PCDHA2: variants seen among roughly 807,000 people sequenced by gnomAD.
The protein encoded by PCDHA2 is protocadherin alpha-2.
PCDHA2 carries 58 observed loss-of-function variants against 66.0 expected under a neutral mutation model. The ratio of observed to expected loss-of-function variants is 0.88; its 90% confidence interval spans 0.71 to 1.09. The LOEUF is 1.09. Among genes scored for constraint, PCDHA2 ranks in the 50% least tolerant of loss-of-function variants. The pLI is 0.00. For missense variants in PCDHA2, 1,267 were observed against 1,242.3 expected, an observed-to-expected ratio of 1.02 and a Z score of -0.30; for synonymous variants, 634 against 554.0, an observed-to-expected ratio of 1.14 and a Z score of -2.03.
intron 1 of PCDHA2, chr5:140,841,370 T>C: frequency 1.9e-6 from 3 of 1,613,492 alleles, no homozygotes; most frequent in South Asian, 1.1e-5. Flanking sequence ...ACTACTACTC[T>C]TGCTTCTGCT....
At chr5:140,809,028 G>A in intron 1 of PCDHA2, 3 of 1,613,838 alleles carry the variant, frequency 1.9e-6, no homozygotes, top group South Asian at 2.2e-5. Context: ...CTGCAGCCGG[G>A]GACTGGTGGC....
intron 1 of PCDHA2, chr5:140,870,101 G>C (rs1345689033): frequency 3.1e-6 from 5 of 1,613,914 alleles, no homozygotes; most frequent in Non-Finnish European, 4.2e-6. Context: ...GCAGGTCACT[G>C]TACAGTCTGG....
chr5:140,903,818 T>A (rs1554191152), intron 1 of PCDHA2, among the ~76,000 whole-genome samples: 1 of 152,202 alleles, frequency 6.6e-6, no homozygotes. Context: ...AGTTCTCACA[T>A]GAATGTCTGT....
chr5:140,981,685 C>G lies in PCDHA2; in HGVS notation c.2448-790C>G, dbSNP rs369964011. 6.6e-4 allele frequency among the ~76,000 whole-genome samples: 101 copies of G among 152,166 alleles called. No individual in the cohort carries two copies. In the South Asian group the frequency reaches 0.018, roughly 27 times the overall value. ...TCCTTCCTTTCTTCCTTCCTCCCTT[C>G]CATCATTCATTCATTCATTCATTCA... On this transcript the variant is annotated intron_variant, in intron 2 of 3. Transcript: ENST00000526136.
chr5:140,882,189 T>C, intron 1 of PCDHA2: 2 of 1,519,304 alleles, frequency 1.3e-6, no homozygotes, highest in Admixed American at 2.2e-5. Flanking sequence ...TAGGAAGCCA[T>C]AAAAATTGGG....
rs2150432258 is a variant in PCDHA2 at position 140,849,188 on chromosome 5, G to T, written c.2388+51836G>T. Reference sequence around the variant, plus strand: ...CTGGCACCGTTCAATTACTCATCACGGTACTGGACAACAATGACAATGCCC... The same window carrying T: ...CTGGCACCGTTCAATTACTCATCACTGTACTGGACAACAATGACAATGCCC... On this transcript the variant is annotated intron_variant, in intron 1 of 3. Transcript: ENST00000526136. The T allele has an allele frequency of 1.1e-3, 1,187 of 1,054,992 alleles. 42 individuals carry two copies. In the African/African-American group the frequency reaches 0.02, roughly 18 times the overall value. The allele number at this position is 1,054,992 out of a possible 1,614,324, so 65.4% of individuals were successfully genotyped here. A position where few individuals can be genotyped will look rare whatever the true frequency, so the allele number is the denominator to read the frequency against.
intron 1 of PCDHA2, chr5:140,968,708 A>G: frequency 1.2e-6 from 2 of 1,614,126 alleles, no homozygotes; most frequent in Non-Finnish European, 1.7e-6. Flanking sequence ...TACCAGGAAG[A>G]TGGGAGATGA....
intron 2 of PCDHA2, among the ~76,000 whole-genome samples, chr5:140,980,838 A>G (rs141603230): frequency 5.3e-5 from 8 of 152,320 alleles, no homozygotes; most frequent in African/African-American, 1.4e-4. Flanking sequence ...GTGAACCTAA[A>G]TAATACTAAT....
At chr5:140,836,283 A>T (rs2150256812) in intron 1 of PCDHA2, 1 of 1,613,716 alleles carries the variant, frequency 6.2e-7, no homozygotes, top group South Asian at 1.1e-5. Context: ...GATCAGCACG[A>T]CACGAGCCCT....
intron 1 of PCDHA2, chr5:140,836,693 G>A: frequency 1.2e-6 from 2 of 1,613,422 alleles, no homozygotes; most frequent in African/African-American, 2.7e-5. Flanking sequence ...CAGACCTCAT[G>A]GCCTTCAGTC....
intron 1 of PCDHA2, among the ~76,000 whole-genome samples, chr5:140,846,536 T>C (rs1215890170): frequency 1.3e-5 from 2 of 148,200 alleles, no homozygotes; most frequent in Admixed American, 1.4e-4. Context: ...CACCATGCCC[T>C]GCTAATTTTT....
intron 1 of PCDHA2, among the ~76,000 whole-genome samples, chr5:140,970,418 G>A (rs1377182658): frequency 6.6e-6 from 1 of 152,220 alleles, no homozygotes; most frequent in East Asian, 1.9e-4. Flanking sequence ...ACAGTAAGGT[G>A]TAGAGGCAGG....
chr5:140,851,336 A>C, intron 1 of PCDHA2: 1 of 979,180 alleles, frequency 1.0e-6, no homozygotes, highest in Non-Finnish European at 1.2e-6. Context: ...GTAGTTCTCT[A>C]CATTTCTCTG....
intron 1 of PCDHA2, among the ~76,000 whole-genome samples, chr5:140,941,202 C>CCTTTCTTCCTTTCTTTCTTTCTTT (rs1394736170): frequency 4.2e-3 from 519 of 122,694 alleles, no homozygotes; most frequent in African/African-American, 7.8e-3. Flanking sequence ...TTTCTTTCTT[C>CCTTTCTTCCTTTCTTTCTTTCTTT]CTTTCTTTCT....
chr5:140,968,801 G>T, intron 1 of PCDHA2: 1 of 1,614,216 alleles, frequency 6.2e-7, no homozygotes, highest in Non-Finnish European at 8.5e-7. Context: ...CATTACAGTA[G>T]CTGTGGTGGA....
At chr5:140,823,913 C>T (rs2150130280) in intron 1 of PCDHA2, 36 of 1,613,888 alleles carry the variant, frequency 2.2e-5, no homozygotes, top group Non-Finnish European at 2.8e-5. Context: ...CTGGTGCTCA[C>T]GCTGCTGCTG....
At chr5:140,856,381 G>T in intron 1 of PCDHA2, 2 of 1,598,516 alleles carry the variant, frequency 1.3e-6, no homozygotes, top group South Asian at 1.1e-5. Context: ...TCGTGGACAG[G>T]CCGCTGCAGG....
chr5:140,857,301 C>T (rs2044489449), intron 1 of PCDHA2: 2 of 1,598,676 alleles, frequency 1.3e-6, no homozygotes, highest in Non-Finnish European at 8.6e-7. Context: ...GAGAGGGTGT[C>T]GGCCTATGAG....
rs2096504149 is a variant in PCDHA2 at position 140,971,885 on chromosome 5, T to G, written c.2389-7064T>G. Among the ~76,000 whole-genome samples the G allele has an allele frequency of 2.0e-5, 3 of 152,134 alleles. No individual in the cohort carries two copies. In the South Asian group the frequency reaches 6.2e-4, roughly 31 times the overall value. ...ACATCTAGCATATGAGGAAATAAGC[T>G]CAGGGAGGTTAGGTAATCTACACAG... On this transcript the variant is annotated intron_variant, in intron 1 of 3. Coordinates refer to ENST00000526136, the MANE Select transcript of PCDHA2 (RefSeq NM_018905.3).
Sources: gnomAD v4.1 joint callset for allele counts (sites outside exome capture counted in the v4.1 genomes callset) on GRCh38, gnomAD v4.1.1 for gene constraint, MANE v1.5 for transcripts, NCBI Gene and HGNC (gene_info 2026-07-23, HGNC 2026-07-21) for gene names.